The following ADGRL2 variants were observed in gnomAD, a reference collection of about 807,000 sequenced individuals.
The protein encoded by ADGRL2 is adhesion G protein-coupled receptor L2, also known as calcium-independent alpha-latrotoxin receptor 2.
A neutral mutation model predicts 157.4 loss-of-function variants in ADGRL2; 44 were observed. That is an observed-to-expected ratio of 0.28 (90% CI 0.22 to 0.36). The LOEUF (loss-of-function observed/expected upper bound fraction) is 0.36, where lower values mean the gene tolerates loss of function less well. Among genes scored for constraint, ADGRL2 ranks in the 10% least tolerant of loss-of-function variants. ADGRL2 has a pLI of 1.00. For missense variants in ADGRL2, 1,510 were observed against 1,768.9 expected (o/e 0.85, Z 2.63); for synonymous variants, 585 against 624.7 (o/e 0.94, Z 0.95).
chr1:81,785,470 G>C (rs1050950809), intron 2 of ADGRL2, among the ~76,000 whole-genome samples: 2 of 152,098 alleles, frequency 1.3e-5, no homozygotes, highest in African/African-American at 4.8e-5. Flanking sequence ...ACCCACACCT[G>C]TAGTCCCAGC....
intron 1 of ADGRL2, among the ~76,000 whole-genome samples, chr1:81,716,445 G>T (rs897040055): frequency 6.6e-6 from 1 of 152,122 alleles, no homozygotes. Context: ...CTTTCATTGA[G>T]TATTGCTGTT....
At chr1:81,703,991 A>G (rs1352381420) in intron 1 of ADGRL2, among the ~76,000 whole-genome samples, 4 of 152,222 alleles carry the variant, frequency 2.6e-5, no homozygotes, top group Non-Finnish European at 5.9e-5. Context: ...AAAACCCATC[A>G]TCTCTCTGGA....
At chr1:81,592,827 AG>A (rs1470747875) in intron 3 of ADGRL2, among the ~76,000 whole-genome samples, 3 of 151,724 alleles carry the variant, frequency 2.0e-5, no homozygotes, top group African/African-American at 7.3e-5. Flanking sequence ...GGGAAGGAAG[AG>A]CTTTCATATT....
chr1:81,381,342 A>T (rs2076340460), intron 1 of ADGRL2, among the ~76,000 whole-genome samples: 1 of 152,136 alleles, frequency 6.6e-6, no homozygotes, highest in Admixed American at 6.5e-5. Context: ...TAGGGATCTT[A>T]ATCTTATTCC....
At chr1:81,644,741 G>A (rs1276913673) in intron 3 of ADGRL2, among the ~76,000 whole-genome samples, 2 of 152,190 alleles carry the variant, frequency 1.3e-5, no homozygotes, top group East Asian at 3.8e-4. Context: ...TTCATCAGTT[G>A]TAACAAATGT....
intron 3 of ADGRL2, among the ~76,000 whole-genome samples, chr1:81,659,262 A>C (rs149089609): frequency 2.2e-3 from 328 of 151,970 alleles, no homozygotes; most frequent in African/African-American, 7.7e-3. Context: ...AGGTTTCACT[A>C]TGTTGGCCAA....
chr1:81,391,446 T>A (rs796787479), intron 1 of ADGRL2, among the ~76,000 whole-genome samples: 1 of 152,298 alleles, frequency 6.6e-6, no homozygotes, highest in Non-Finnish European at 1.5e-5. Context: ...TTGCAGGAAC[T>A]GTTTTCTGTA....
At chr1:81,393,176 A>G (rs2076590536) in intron 1 of ADGRL2, among the ~76,000 whole-genome samples, 1 of 152,180 alleles carries the variant, frequency 6.6e-6, no homozygotes, top group Admixed American at 6.5e-5. Flanking sequence ...ATTAGAGAGG[A>G]GATAAATTGG....
chr1:81,637,201 C>T (rs2148784779), intron 3 of ADGRL2, among the ~76,000 whole-genome samples: 1 of 152,252 alleles, frequency 6.6e-6, no homozygotes, highest in African/African-American at 2.4e-5. Context: ...GATGGTATTC[C>T]AACCCTAAGC....
chr1:81,594,007 G>T (rs189206367), intron 3 of ADGRL2, among the ~76,000 whole-genome samples: 1 of 152,264 alleles, frequency 6.6e-6, no homozygotes, highest in African/African-American at 2.4e-5. Context: ...TATGTATGTA[G>T]AAACACATAA....
intron 2 of ADGRL2, among the ~76,000 whole-genome samples, chr1:81,868,734 T>A (rs1174975717): frequency 6.6e-6 from 1 of 152,144 alleles, no homozygotes; most frequent in Non-Finnish European, 1.5e-5. Flanking sequence ...TAACTTTGCT[T>A]CTTCTTTAGC....
chr1:81,374,329 T>C (rs552593392), intron 1 of ADGRL2, among the ~76,000 whole-genome samples: 7 of 152,172 alleles, frequency 4.6e-5, no homozygotes, highest in Admixed American at 3.9e-4. Flanking sequence ...CCCAGCACTT[T>C]GGGAGGCCGA....
In ADGRL2 at chr1:81,492,670, G is replaced by C. The variant is rs1472694609; in HGVS notation, c.-248+47581G>C. Among the ~76,000 whole-genome samples the C allele has an allele frequency of 2.0e-5, 3 of 152,076 alleles. No individual in the cohort carries two copies. In the East Asian group the frequency reaches 5.8e-4, roughly 29 times the overall value. On this transcript the variant is annotated intron_variant, in intron 2 of 24. Coordinates refer to the ADGRL2 transcript ENST00000370721. ...AAAGTTGGAAAAACTAATTTCAAGT[G>C]AATAAAATCATCTTCAAAATTGGAT...
At chr1:81,903,516 T>G (rs2094525713) in intron 2 of ADGRL2, among the ~76,000 whole-genome samples, 1 of 151,868 alleles carries the variant, frequency 6.6e-6, no homozygotes, top group Non-Finnish European at 1.5e-5. Flanking sequence ...TTTACTACTA[T>G]TTGATGCCTT....
chr1:81,451,353 T>C (rs573580738), intron 2 of ADGRL2, among the ~76,000 whole-genome samples: 2 of 152,346 alleles, frequency 1.3e-5, no homozygotes, highest in South Asian at 4.1e-4. Context: ...GATTGCATTT[T>C]TCATTGATCT....
At chr1:81,359,537 T>A (rs1213236453) in intron 1 of ADGRL2, among the ~76,000 whole-genome samples, 2 of 152,086 alleles carry the variant, frequency 1.3e-5, no homozygotes, top group African/African-American at 4.8e-5. Context: ...ACAGCATTAA[T>A]ATTTAACTCA....
chr1:81,535,170 A>G (rs999740236), intron 2 of ADGRL2, among the ~76,000 whole-genome samples: 2 of 152,174 alleles, frequency 1.3e-5, no homozygotes, highest in African/African-American at 2.4e-5. Context: ...GACTGACTCT[A>G]AGCTTCAAGA....
intron 1 of ADGRL2, chr1:81,722,901 T>C (rs1405571328): frequency 5.5e-6 from 4 of 727,508 alleles, no homozygotes; most frequent in Admixed American, 1.8e-5. Flanking sequence ...ATGCCTGGAC[T>C]CAATGAAATT....
chr1:81,855,868 A>C (rs1557782126), intron 2 of ADGRL2, among the ~76,000 whole-genome samples: 1 of 152,242 alleles, frequency 6.6e-6, no homozygotes, highest in African/African-American at 2.4e-5. Context: ...ATGAGAGTAG[A>C]TAAAAGGAAT....
Sources: gnomAD v4.1 joint callset for allele counts (sites outside exome capture counted in the v4.1 genomes callset) on GRCh38, gnomAD v4.1.1 for gene constraint, MANE v1.5 for transcripts, NCBI Gene and HGNC (gene_info 2026-07-23, HGNC 2026-07-21) for gene names.